Variants in ITPR2 observed in about 807,000 individuals in gnomAD.
ITPR2 encodes inositol 1,4,5-trisphosphate receptor type 2.
In ITPR2, 207 loss-of-function variants were observed where a neutral mutation model predicts 317.1. That is an observed-to-expected ratio of 0.65 (90% CI 0.58 to 0.73). The LOEUF is 0.73. ITPR2 is among the 30% of genes least tolerant of loss of function. The pLI is 0.00. For missense variants in ITPR2, 2,613 were observed against 3,284.0 expected (o/e 0.80, Z 4.99); for synonymous variants, 1,156 against 1,149.1 (o/e 1.01, Z -0.12).
intron 2 of ITPR2, among the ~76,000 whole-genome samples, chr12:26,780,998 T>C (rs1321757111): frequency 6.6e-6 from 1 of 152,192 alleles, no homozygotes; most frequent in East Asian, 1.9e-4. Context: ...ACTATCAAGA[T>C]GAAATCAGTC....
intron 11 of ITPR2, among the ~76,000 whole-genome samples, chr12:26,684,040 C>T (rs1052585779): frequency 6.6e-6 from 1 of 152,210 alleles, no homozygotes; most frequent in Non-Finnish European, 1.5e-5. Flanking sequence ...TGGTTCTGCT[C>T]CTTTATAAAA....
At chr12:26,653,905 T>A in intron 21 of ITPR2, 71 bp downstream of exon 21, 3 of 1,286,660 alleles carry the variant, frequency 2.3e-6, no homozygotes, top group Non-Finnish European at 3.3e-6. Context: ...CAACCCCTTC[T>A]CTGTAGTTTT....
At chr12:26,436,442 T>A (rs1280244539) in intron 47 of ITPR2, 96 bp from the exon 48 acceptor site, 2 of 1,108,628 alleles carry the variant, frequency 1.8e-6, no homozygotes, top group East Asian at 5.3e-5. Flanking sequence ...AAATGCATCA[T>A]TTTTGTAAAC....
chr12:26,695,686 T>A, intron 9 of ITPR2, 36 bp from the exon 10 acceptor site: 12 of 1,408,360 alleles, frequency 8.5e-6, no homozygotes, highest in Non-Finnish European at 1.2e-5. Flanking sequence ...TTTTCATTGC[T>A]ATGAAAAGCA....
intron 49 of ITPR2, among the ~76,000 whole-genome samples, chr12:26,426,829 A>T (rs911381310): frequency 4.0e-5 from 6 of 150,996 alleles, no homozygotes; most frequent in African/African-American, 1.5e-4. Context: ...TAAATAAATA[A>T]AATAAATACA....
chr12:26,676,701 A>C (rs1947915515), intron 13 of ITPR2, among the ~76,000 whole-genome samples: 1 of 152,000 alleles, frequency 6.6e-6, no homozygotes, highest in African/African-American at 2.4e-5. Context: ...ATAATTAATC[A>C]CTAAAAAAAC....
intron 32 of ITPR2, among the ~76,000 whole-genome samples, chr12:26,593,454 G>C (rs1012446635): frequency 6.6e-6 from 1 of 152,124 alleles, no homozygotes; most frequent in Non-Finnish European, 1.5e-5. Flanking sequence ...CATGGGGAGA[G>C]AAAGAAATCC....
chr12:26,411,441 TAG>T (rs759641904), intron 51 of ITPR2, 29 bp from the exon 52 acceptor site: 1 of 1,434,732 alleles, frequency 7.0e-7, no homozygotes, highest in Non-Finnish European at 9.8e-7. Flanking sequence ...GTATATAATA[TAG>T]AGTCAAATAT....
In ITPR2 at chr12:26,600,079, G is replaced by T; in HGVS notation, c.3709C>A (p.Leu1237Ile). 6.2e-7 allele frequency: 1 copy of T among 1,605,914 alleles called. No homozygotes were observed. Among genetic ancestry groups the T allele is most frequent in the Non-Finnish European group, 8.5e-7 (1 of 1,173,112 alleles). The change falls in exon 29 of 57, where the codon CTA (leucine) becomes ATA (isoleucine). Residue 1237 changes from leucine (L) to isoleucine (I), a missense_variant. By Grantham distance (5) the Leu-to-Ile change is conservative. This residue lies in a region of ITPR2 where 817 missense variants were observed against 897.6 expected (regional missense o/e 0.91). Transcript: ENST00000381340. ...AAATTCTGCAGAAATGTATGGGCTA[G>T]ATTCATTACTTCATTCATCTTTTCA... The part of the protein sequence containing the change: ...NDEKMNEVMN[L>I]AHTFLQNFCR...
intron 45 of ITPR2, among the ~76,000 whole-genome samples, chr12:26,453,727 A>G (rs933839955): frequency 6.6e-6 from 1 of 152,240 alleles, no homozygotes; most frequent in Admixed American, 6.5e-5. Flanking sequence ...TGCTTCTTCC[A>G]GCATCCAGAA....
At chr12:26,366,297 G>C (rs1316170966) in intron 55 of ITPR2, among the ~76,000 whole-genome samples, 1 of 152,056 alleles carries the variant, frequency 6.6e-6, no homozygotes, top group Non-Finnish European at 1.5e-5. Flanking sequence ...TTCATGCCCT[G>C]TGCAACTGTT....
intron 21 of ITPR2, among the ~76,000 whole-genome samples, chr12:26,636,163 G>T (rs141465295): frequency 1.6e-4 from 24 of 152,218 alleles, no homozygotes; most frequent in African/African-American, 5.5e-4. Context: ...GTGTCCAGAC[G>T]GTCACACAAC....
intron 1 of ITPR2, among the ~76,000 whole-genome samples, chr12:26,806,505 C>T (rs1436999546): frequency 6.6e-6 from 1 of 152,098 alleles, no homozygotes; most frequent in Non-Finnish European, 1.5e-5. Context: ...AACTGACCAC[C>T]CACTGTGTGT....
At position 26,436,251 on chromosome 12, in the gene ITPR2, A is replaced by G. The variant is rs771955947; in HGVS notation, c.6739T>C (p.Phe2247Leu). ...AVFINLAVAL[F>L]YPFGDDGDEG... The stretch of plus-strand genomic sequence containing the variant: ...TCTCCATCATCCCCAAATGGGTAGA[A>G]GAGAGCAACAGCTAAATTGATGAAC... Residue 2247 changes from phenylalanine (F) to leucine (L), a missense_variant, in exon 48 of 57, where the codon TTC becomes CTC. By Grantham distance (22) the Phe-to-Leu change is conservative. Coordinates refer to ENST00000381340, the MANE Select transcript of ITPR2 (RefSeq NM_002223.4). 11 of 1,612,052 alleles carry G rather than the reference A, an allele frequency of 6.8e-6. No homozygotes were observed. The highest frequency in any genetic ancestry group is 1.1e-5 in the South Asian group (1 of 90,622).
At chr12:26,698,548 G>C (rs1948391029) in intron 9 of ITPR2, among the ~76,000 whole-genome samples, 1 of 152,320 alleles carries the variant, frequency 6.6e-6, no homozygotes, top group Non-Finnish European at 1.5e-5. Flanking sequence ...ATGAGTAGGA[G>C]TGTGAGGGAA....
At chr12:26,512,892 G>A (rs1943390430) in intron 37 of ITPR2, among the ~76,000 whole-genome samples, 2 of 149,420 alleles carry the variant, frequency 1.3e-5, no homozygotes, top group South Asian at 4.2e-4. Flanking sequence ...GCGCGATTTC[G>A]GCTCACCACA....
Position 26,831,282 on chromosome 12 carries a change from T to C in ITPR2, c.92+1408A>G, listed in dbSNP as rs2137316716. ...GAAAGTAACACTGATGGAAAAGGGA[T>C]TGAATTAAATCTACCTCCCTTCTTT... On this transcript the variant is annotated intron_variant, in intron 1 of 56. Transcript: ENST00000381340. This position sits in a 1 kb window ranked among gnomAD's most constrained non-coding sequence, Gnocchi z 4.9. Among the ~76,000 whole-genome samples the C allele has an allele frequency of 6.6e-6, 1 of 152,272 alleles. No individual in the cohort carries two copies. Among genetic ancestry groups the C allele is most frequent in the Middle Eastern group, 3.4e-3 (1 of 294 alleles).
At chr12:26,371,066 A>T (rs937930152) in intron 55 of ITPR2, among the ~76,000 whole-genome samples, 16 of 152,202 alleles carry the variant, frequency 1.1e-4, no homozygotes, top group Non-Finnish European at 1.8e-4. Flanking sequence ...GTCTCCAGGG[A>T]CCAGGATATC....
At chr12:26,606,544 C>CTT (rs10701661) in intron 26 of ITPR2, among the ~76,000 whole-genome samples, 23,961 of 143,328 alleles carry the variant, frequency 0.17, 2,237 homozygotes, top group Admixed American at 0.21. Flanking sequence ...TAGTTCCTCC[C>CTT]TTTTTTTTTT....
Sources: gnomAD v4.1 joint callset for allele counts (sites outside exome capture counted in the v4.1 genomes callset) on GRCh38, gnomAD v4.1.1 for gene constraint, gnomAD v4.1.1 regional missense constraint, Gnocchi (gnomAD v3.1) non-coding constraint, MANE v1.5 for transcripts, NCBI Gene and HGNC (gene_info 2026-07-23, HGNC 2026-07-21) for gene names.